The following DNAH5 variants were observed in gnomAD, a reference collection of about 807,000 sequenced individuals.
DNAH5 encodes the protein dynein axonemal heavy chain 5.
DNAH5 carries 372 observed loss-of-function variants against 518.2 expected under a neutral mutation model. The observed-to-expected ratio is 0.72, with a 90% confidence interval of 0.66 to 0.78. DNAH5 has a LOEUF of 0.78. Among genes scored for constraint, DNAH5 ranks in the 30% least tolerant of loss-of-function variants. DNAH5 has a pLI of 0.00. For synonymous variants in DNAH5, 2,039 were observed against 2,025.9 expected (o/e 1.01, Z -0.17); for missense variants, 5,523 against 5,687.0 (o/e 0.97, Z 0.93).
rs928800148 is a variant in DNAH5, at chr5:13,883,047, G to A, written c.3031C>T (p.Arg1011Trp). The change falls in exon 20 of 79, where the codon CGG becomes TGG. Residue 1011 changes from arginine (R) to tryptophan (W), a missense_variant. Arg to Trp is a moderately radical substitution (Grantham distance 101). This residue lies in a region of DNAH5 where 5,121 missense variants were observed against 5,223.3 expected (regional missense o/e 0.98). Coordinates refer to ENST00000265104, the MANE Select transcript of DNAH5 (RefSeq NM_001369.3). ...GGAATGGCCAGAGTGACGCTTGCCC[G>A]GAAAATGGGCAAACTGTTCTGCTTC... ...NMKQNSLPIF[R>W]ASVTLAIPNI... 8.1e-6 allele frequency: 13 copies of A among 1,613,998 alleles called. No individual in the cohort carries two copies. Among genetic ancestry groups the A allele is most frequent in the Admixed American group, 1.7e-5 (1 of 60,008 alleles).
chr5:13,839,186 C>A (rs1361631711), intron 35 of DNAH5, among the ~76,000 whole-genome samples, 170 bp downstream of exon 35: 2 of 152,150 alleles, frequency 1.3e-5, no homozygotes, highest in African/African-American at 2.4e-5. Flanking sequence ...CTGTGTCAGT[C>A]ACAAACCTAA....
chr5:13,708,078 A>G (rs1219534178), intron 76 of DNAH5, 45 bp downstream of exon 76: 2 of 1,595,976 alleles, frequency 1.3e-6, no homozygotes, highest in Non-Finnish European at 1.7e-6. Flanking sequence ...ACAACTCTTC[A>G]CAATCATAAG....
Position 13,891,019 on chromosome 5 carries a change from T to C in DNAH5, c.2534A>G (p.Gln845Arg). 1.2e-6 allele frequency: 2 copies of C among 1,614,178 alleles called. No homozygotes were observed. Among genetic ancestry groups the C allele is most frequent in the Non-Finnish European group, 1.7e-6 (2 of 1,180,004 alleles). ...CTCTTCACAGGTTAGTGGCTCCTCCTGGGGAAGCTGACAAAGAGGCGTGCT... is the reference window on the plus strand; with the variant it reads ...CTCTTCACAGGTTAGTGGCTCCTCCCGGGGAAGCTGACAAAGAGGCGTGCT... ...MSSTPLCQLP[Q>R]EEPLTCEEFL... is the part of the protein sequence containing the mutation. The change falls in exon 17 of 79, where the codon CAG becomes CGG. Residue 845 changes from glutamine to arginine, a missense_variant. Gln to Arg is a conservative substitution (Grantham distance 43). Transcript: ENST00000265104.
intron 9 of DNAH5, among the ~76,000 whole-genome samples, chr5:13,916,042 C>T (rs1776609494): frequency 6.6e-6 from 1 of 151,754 alleles, no homozygotes. Flanking sequence ...AAAATTTACC[C>T]AGTAGGAATA....
chr5:13,756,938 T>C (rs529541474), intron 61 of DNAH5, among the ~76,000 whole-genome samples: 21 of 152,202 alleles, frequency 1.4e-4, no homozygotes, highest in Non-Finnish European at 2.8e-4. Context: ...CTCCCACTTA[T>C]AAGTGAAAAC....
rs954578482 is a variant in DNAH5 at position 13,850,713 on chromosome 5, G to T, written c.5053C>A (p.Leu1685Met). Reference protein sequence around the residue: ...VVQCCVGDETLGQLLPHLLDQ... With the variant: ...VVQCCVGDETMGQLLPHLLDQ... ...AGCAAGTGTGGTAACAGCTGCCCCA[G>T]GGTCTCATCTCCAACACAGCACTGG... The change falls in exon 31 of 79, where the codon CTG (leucine) becomes ATG (methionine). Residue 1685 changes from leucine (L) to methionine (M), a missense_variant. Physicochemically the swap from Leu to Met is conservative, Grantham distance 15. Transcript: ENST00000265104. The T allele has an allele frequency of 1.2e-6, 2 of 1,614,066 alleles. No homozygotes were observed. Among genetic ancestry groups the T allele is most frequent in the African/African-American group, 2.7e-5 (2 of 75,024 alleles).
chr5:14,001,273 C>T (rs538430745), intron 1 of DNAH5, among the ~76,000 whole-genome samples: 1 of 152,262 alleles, frequency 6.6e-6, no homozygotes, highest in East Asian at 1.9e-4. Context: ...AAACCTGCAC[C>T]TATCCCCTAA....
At chr5:13,976,442 T>C (rs80347951) in intron 1 of DNAH5, among the ~76,000 whole-genome samples, 4,716 of 152,232 alleles carry the variant, frequency 0.031, 86 homozygotes, top group South Asian at 0.048. Flanking sequence ...ACCCATGCTG[T>C]ATACACTACC....
rs111248731 is a variant in DNAH5 at position 13,723,136 on chromosome 5, CT to C, written c.12034-1892del. On this transcript the variant is annotated intron_variant, in intron 70 of 78. Coordinates refer to ENST00000265104, the MANE Select transcript of DNAH5 (RefSeq NM_001369.3). ...CTATTTATTTTCATACCTCTCAATA[CT>C]TTTTCTAGGTTGGACAGATCCAATA... Among the ~76,000 whole-genome samples the C allele has an allele frequency of 2.9e-3, 445 of 152,312 alleles. 2 individuals carry two copies. The highest frequency in any genetic ancestry group is 0.01 in the African/African-American group (424 of 41,562).
At chr5:13,939,379 T>C (rs993339297) in intron 1 of DNAH5, among the ~76,000 whole-genome samples, 1 of 152,156 alleles carries the variant, frequency 6.6e-6, no homozygotes, top group East Asian at 1.9e-4. Context: ...CTGGGTAGGA[T>C]AGTAGCTCCC....
At chr5:13,749,726 T>C (rs556205573) in intron 65 of DNAH5, among the ~76,000 whole-genome samples, 2 of 152,086 alleles carry the variant, frequency 1.3e-5, no homozygotes, top group Non-Finnish European at 2.9e-5. Flanking sequence ...GTGACAGAGG[T>C]GGCCCAAAAG....
At chr5:13,771,728 G>A (rs1055338475) in intron 55 of DNAH5, among the ~76,000 whole-genome samples, 2 of 152,064 alleles carry the variant, frequency 1.3e-5, no homozygotes, top group African/African-American at 2.4e-5. Flanking sequence ...CAACCCCAAG[G>A]AATTTACAAG....
chr5:14,005,434 A>G (rs965197105), intron 1 of DNAH5, among the ~76,000 whole-genome samples: 1 of 152,188 alleles, frequency 6.6e-6, no homozygotes, highest in Non-Finnish European at 1.5e-5. Context: ...TCACAGGAAC[A>G]CAAAAATAAA....
At chr5:13,809,795 A>C (rs1760295707) in intron 45 of DNAH5, among the ~76,000 whole-genome samples, 1 of 152,208 alleles carries the variant, frequency 6.6e-6, no homozygotes, top group Non-Finnish European at 1.5e-5. Flanking sequence ...ACAGAAATGG[A>C]TCTGATTTGG....
intron 1 of DNAH5, among the ~76,000 whole-genome samples, chr5:14,009,304 C>G (rs971963448): frequency 6.6e-6 from 1 of 152,178 alleles, no homozygotes; most frequent in Admixed American, 6.5e-5. Flanking sequence ...ACCAATTCCT[C>G]CAAATAGCCA....
chr5:13,891,142 A>G (rs201834098), intron 16 of DNAH5, 21 bp from the exon 17 acceptor site: 13 of 1,613,612 alleles, frequency 8.1e-6, no homozygotes, highest in Middle Eastern at 1.7e-4. Flanking sequence ...AAATAAAAGT[A>G]AATAAAAGAG....
chr5:13,885,300 G>A, intron 18 of DNAH5, 72 bp from the exon 19 acceptor site: 3 of 1,546,080 alleles, frequency 1.9e-6, no homozygotes, highest in African/African-American at 1.4e-5. Flanking sequence ...CAGATAGATA[G>A]ACAGATAGAT....
chr5:14,011,655 T>A (rs894160112), exon 1 of DNAH5, among the ~76,000 whole-genome samples: 1 of 152,066 alleles, frequency 6.6e-6, no homozygotes, highest in Non-Finnish European at 1.5e-5. Flanking sequence ...TACCAGTTTG[T>A]CCATGGCGCT....
upstream of DNAH5, among the ~76,000 whole-genome samples, chr5:13,949,256 G>A (rs756597824): frequency 1.3e-5 from 2 of 151,986 alleles, no homozygotes; most frequent in Non-Finnish European, 2.9e-5. Flanking sequence ...AAAACATGAA[G>A]GCCAGTATGA....
Sources: allele counts gnomAD v4.1 joint callset (sites outside exome capture counted in the v4.1 genomes callset), GRCh38; gene constraint gnomAD v4.1.1; regional missense constraint gnomAD v4.1.1; transcripts MANE v1.5; gene names NCBI Gene and HGNC (gene_info 2026-07-23, HGNC 2026-07-21).